Variants in PASK observed in about 807,000 individuals in gnomAD.
PASK encodes the protein PAS domain-containing serine/threonine-protein kinase.
In PASK, 110 loss-of-function variants were observed where a neutral mutation model predicts 121.0. The observed-to-expected ratio is 0.91, with a 90% CI of 0.78 to 1.06. PASK has a LOEUF of 1.06. Among genes scored for constraint, PASK ranks in the 50% least tolerant of loss-of-function variants. The pLI is 0.00. For missense variants in PASK, 1,643 were observed against 1,702.3 expected (o/e 0.97, Z 0.61); for synonymous variants, 686 against 717.8 (o/e 0.96, Z 0.71).
intron 1 of PASK, among the ~76,000 whole-genome samples, chr2:241,148,305 T>C (rs2067073174): frequency 6.6e-6 from 1 of 151,848 alleles, no homozygotes; most frequent in Non-Finnish European, 1.5e-5. Flanking sequence ...GAAGCAACTG[T>C]CCCCCTCCCA....
intron 11 of PASK, among the ~76,000 whole-genome samples, chr2:241,123,404 T>C (rs927816151): frequency 2.0e-5 from 3 of 152,018 alleles, no homozygotes; most frequent in African/African-American, 7.2e-5. Context: ...GGTCTTGATC[T>C]CCTGACCTCG....
Position 241,126,570 on chromosome 2 carries a change from C to G in PASK, c.2345G>C (p.Gly782Ala), listed in dbSNP as rs1466052321. Reference protein sequence around the residue: ...SLAVGSDPDVGSLQEQGSCVL... With the variant: ...SLAVGSDPDVASLQEQGSCVL... ...ACACGACCCCTGTTCCTGGAGACTG[C>G]CTACATCTGGATCGGAGCCCACTGC... The change falls in exon 10 of 18, where the codon GGC (glycine) becomes GCC (alanine). Residue 782 changes from glycine (G) to alanine (A), a missense_variant. Gly to Ala is a moderately conservative substitution (Grantham distance 60, BLOSUM62 0). Around this residue, in one of 3 missense-constraint regions of PASK, gnomAD observed 1,176 missense variants for 1,162.2 expected, o/e 1.01. Transcript: ENST00000234040. 11 of 1,614,068 alleles carry G rather than the reference C, an allele frequency of 6.8e-6. No homozygotes were observed. Among genetic ancestry groups the G allele is most frequent in the Non-Finnish European group, 7.6e-6 (9 of 1,179,876 alleles).
rs752711772 is a variant in PASK at position 241,138,654 on chromosome 2, A to T, written c.741T>A (p.Asp247Glu). 3.5e-5 allele frequency: 56 copies of T among 1,613,866 alleles called. No individual in the cohort carries two copies. Among genetic ancestry groups the T allele is most frequent in the Non-Finnish European group, 4.2e-5 (50 of 1,180,048 alleles). The change falls in exon 5 of 18, where the codon GAT (aspartate) becomes GAA (glutamate). Residue 247 changes from aspartate to glutamate, a missense_variant and splice_region_variant. By Grantham distance (45) the Asp-to-Glu change is conservative. This residue lies in a region of PASK where 1,176 missense variants were observed against 1,162.2 expected (regional missense o/e 1.01). Coordinates refer to ENST00000234040, the MANE Select transcript of PASK (RefSeq NM_015148.4). Reference sequence around the variant, plus strand: ...ACATGAGGCAAAGTTGCACACTCACATCGCTCTGGAAAGCGACCCAGGTCG... The same window carrying T: ...ACATGAGGCAAAGTTGCACACTCACTTCGCTCTGGAAAGCGACCCAGGTCG... Reference protein sequence around the residue: ...RVSTWVAFQSDGTVTSCDSLF... With the variant: ...RVSTWVAFQSEGTVTSCDSLF...
intron 12 of PASK, among the ~76,000 whole-genome samples, chr2:241,117,028 A>T (rs1007839842): frequency 6.6e-6 from 1 of 152,030 alleles, no homozygotes; most frequent in Non-Finnish European, 1.5e-5. Flanking sequence ...GGGCAGCGGG[A>T]GCACAGGACT....
At chr2:241,132,535 A>AAAAAAAG (rs2066208058) in intron 9 of PASK, among the ~76,000 whole-genome samples, 1 of 146,694 alleles carries the variant, frequency 6.8e-6, no homozygotes, top group Non-Finnish European at 1.5e-5. Flanking sequence ...TCTAAAAAAA[A>AAAAAAAG]AAAAAAAAAA....
At position 241,126,442 on chromosome 2, in the gene PASK, G is replaced by A; in HGVS notation, c.2473C>T (p.Pro825Ser). 1.9e-6 allele frequency: 3 copies of A among 1,614,246 alleles called. No homozygotes were observed. Among genetic ancestry groups the A allele is most frequent in the Non-Finnish European group, 2.5e-6 (3 of 1,180,048 alleles). The change falls in exon 10 of 18, where the codon CCG becomes TCG. Residue 825 changes from proline (P) to serine (S), a missense_variant. Physicochemically the swap from Pro to Ser is moderately conservative, Grantham distance 74. Transcript: ENST00000234040. ...ESCVGHDPTEPLEVCLVSSEH... is the reference protein window; with the variant it reads ...ESCVGHDPTESLEVCLVSSEH... The stretch of plus-strand genomic sequence containing the variant: ...GAGGACACCAAACAAACCTCAAGCG[G>A]TTCTGTTGGATCATGTCCCACACAG...
At chr2:241,149,568 A>G (rs571882437), upstream of PASK, 15 of 1,317,592 alleles carry the variant, frequency 1.1e-5, 1 homozygote, top group African/African-American at 1.0e-4. Flanking sequence ...TAAGCTAGCC[A>G]GAGTCTAGAA....
intron 12 of PASK, among the ~76,000 whole-genome samples, chr2:241,115,691 A>AAGCATCCCATTACACCAGGGGCCACCG (rs1559361303): frequency 6.9e-5 from 8 of 115,340 alleles, no homozygotes; most frequent in African/African-American, 2.9e-4. Flanking sequence ...AGGGCCACCC[A>AAGCATCCCATTACACCAGGGGCCACCG]GTCCTCAAGC....
At chr2:241,146,378 A>G (rs974782430) in intron 1 of PASK, among the ~76,000 whole-genome samples, 2 of 152,228 alleles carry the variant, frequency 1.3e-5, no homozygotes, top group African/African-American at 4.8e-5. Flanking sequence ...TTGCAAACAG[A>G]TAAGAAGACA....
Position 241,120,492 on chromosome 2 carries a change from C to CAAAAAAAAAAAAAAAAAAAAA in PASK, c.3072+2239_3072+2240insTTTTTTTTTTTTTTTTTTTTT, listed in dbSNP as rs568145375. On this transcript the variant is annotated intron_variant, in intron 12 of 17. Coordinates refer to ENST00000234040, the MANE Select transcript of PASK (RefSeq NM_015148.4). ...TGGGCGACAAAGCAAGACTCTGTCT[C>CAAAAAAAAAAAAAAAAAAAAA]AAAAGAAAAAAAAAATGGGCAAAGG... 1.6e-4 allele frequency among the ~76,000 whole-genome samples: 22 copies of CAAAAAAAAAAAAAAAAAAAAA among 140,024 alleles called. 1 individual carries two copies. The highest frequency in any genetic ancestry group is 1.1e-3 in the East Asian group (4 of 3,684). The allele number at this position is 140,024 out of a possible 152,430, so 91.9% of individuals were successfully genotyped here.
At chr2:241,128,236 T>C (rs547070740) in intron 9 of PASK, among the ~76,000 whole-genome samples, 1 of 152,298 alleles carries the variant, frequency 6.6e-6, no homozygotes, top group South Asian at 2.1e-4. Context: ...GCTGAGATTG[T>C]ACCAGCTCAC....
At chr2:241,133,250 T>C in intron 8 of PASK, 1 of 613,430 alleles carries the variant, frequency 1.6e-6, no homozygotes, top group Non-Finnish European at 3.0e-6. Context: ...ACCATGATCC[T>C]ATTAACACCC....
chr2:241,126,242 C>T lies in PASK; in HGVS notation c.2673G>A (p.Glu891=), dbSNP rs1302762526. The change falls in exon 10 of 18, where the codon GAG becomes GAA. Residue 891 remains glutamate, a synonymous_variant. Coordinates refer to ENST00000234040, the MANE Select transcript of PASK (RefSeq NM_015148.4). Reference sequence around the variant, plus strand: ...GGTAGCAGCTCCCGGAGTAGGCACCCTCCTGGATCTCCCGCTGCAGGCCAG... The same window carrying T: ...GGTAGCAGCTCCCGGAGTAGGCACCTTCCTGGATCTCCCGCTGCAGGCCAG... The part of the protein sequence containing the change: ...GAAGLQREIQ[E]GAYSGSCYHR... 6.2e-7 allele frequency: 1 copy of T among 1,614,148 alleles called. No homozygotes were observed. The highest frequency in any genetic ancestry group is 1.7e-5 in the Admixed American group (1 of 60,024).
rs374167374 is a variant in PASK, at chr2:241,115,017, C to G, written c.3333+26G>C. On this transcript the variant is annotated intron_variant, in intron 14 of 17. Transcript: ENST00000234040. ...CCAGGCACCCAGGCCTGCGTTCACA[C>G]TAACACGGCTCTGGCCTGCTCTCAC... 5.6e-6 allele frequency: 9 copies of G among 1,614,002 alleles called. No individual in the cohort carries two copies. The highest frequency in any genetic ancestry group is 7.6e-6 in the Non-Finnish European group (9 of 1,179,996).
intron 17 of PASK, 65 bp from the exon 18 acceptor site, chr2:241,106,788 C>T: frequency 6.5e-7 from 1 of 1,527,940 alleles, no homozygotes; most frequent in South Asian, 1.1e-5. Flanking sequence ...TACTTTGCTT[C>T]TCACTTGAAG....
chr2:241,149,101 T>TCCCGAGGCGA (rs976328664), intron 1 of PASK, among the ~76,000 whole-genome samples: 1 of 151,640 alleles, frequency 6.6e-6, no homozygotes, highest in African/African-American at 2.4e-5. Context: ...GAGCGCAGGG[T>TCCCGAGGCGA]CCCGAGGCGA....
intron 9 of PASK, among the ~76,000 whole-genome samples, chr2:241,132,521 T>G (rs1160456112): frequency 1.1e-5 from 1 of 93,852 alleles, no homozygotes; most frequent in Non-Finnish European, 1.9e-5. Context: ...ACAGCGAGAC[T>G]CTGTCTAAAA....
At chr2:241,134,303 A>G (rs1052881761) in intron 8 of PASK, 1 of 152,236 alleles carries the variant, frequency 6.6e-6, no homozygotes, top group Non-Finnish European at 1.5e-5. Flanking sequence ...GGGGAATATA[A>G]TTAGTGCTAG....
rs2065669267 is a variant in PASK, at chr2:241,122,717, C to CAA, written c.3072+14_3072+15insTT. 2 of 1,613,438 alleles carry CAA rather than the reference C, an allele frequency of 1.2e-6. No individual in the cohort carries two copies. Among genetic ancestry groups the CAA allele is most frequent in the African/African-American group, 2.7e-5 (2 of 75,032 alleles). On this transcript the variant is annotated intron_variant, in intron 12 of 17. Coordinates refer to ENST00000234040, the MANE Select transcript of PASK (RefSeq NM_015148.4). ...AGTGGTGCCCGGCGCCACTCCCCCC[C>CAA]CACAGCCAGGTTACCTCCTTGTTTT...
Sources: allele counts gnomAD v4.1 joint callset (sites outside exome capture counted in the v4.1 genomes callset), GRCh38; gene constraint gnomAD v4.1.1; regional missense constraint gnomAD v4.1.1; transcripts MANE v1.5; gene names NCBI Gene and HGNC (gene_info 2026-07-23, HGNC 2026-07-21).